Variants in TMEM74 observed in about 807,000 individuals in gnomAD.
The protein encoded by TMEM74 is transmembrane protein 74.
In TMEM74, 13 loss-of-function variants were observed where a neutral mutation model predicts 18.1. The ratio of observed to expected loss-of-function variants is 0.72; its 90% CI spans 0.47 to 1.14. The LOEUF (loss-of-function observed/expected upper bound fraction) is 1.14. TMEM74 is among the 50% of genes most tolerant of loss of function. The probability of loss-of-function intolerance (pLI) is 0.00; values close to 1 mark genes in which losing one functional copy is unlikely to be tolerated. For missense variants in TMEM74, 372 were observed against 375.9 expected (o/e 0.99, Z 0.09); for synonymous variants, 159 against 146.6 (o/e 1.08, Z -0.61).
At chr8:108,749,734 C>A (rs73311959) in intron 1 of TMEM74, among the ~76,000 whole-genome samples, 2,878 of 152,136 alleles carry the variant, frequency 0.019, 59 homozygotes, top group African/African-American at 0.045. Context: ...TGCTGGTTTT[C>A]AAGAGGAATG....
intron 2 of TMEM74, among the ~76,000 whole-genome samples, chr8:108,647,349 T>C (rs1812730195): frequency 6.6e-6 from 1 of 152,190 alleles, no homozygotes; most frequent in Non-Finnish European, 1.5e-5. Context: ...TCAGCATCCT[T>C]GGCAGCAATT....
intron 2 of TMEM74, chr8:108,652,765 T>G (rs1398847616): frequency 1.9e-6 from 1 of 529,160 alleles, no homozygotes. Flanking sequence ...GGACAAAGGC[T>G]GTGTATCAAT....
intron 1 of TMEM74, among the ~76,000 whole-genome samples, chr8:108,706,892 G>T (rs1367780913): frequency 1.3e-5 from 2 of 151,636 alleles, no homozygotes; most frequent in Non-Finnish European, 2.9e-5. Context: ...AAATAAAAAA[G>T]TCACAGGGGC....
chr8:108,665,055 A>G (rs545133894), intron 1 of TMEM74, among the ~76,000 whole-genome samples: 12 of 152,134 alleles, frequency 7.9e-5, no homozygotes, highest in Admixed American at 6.6e-4. Context: ...TCTCTTGCCA[A>G]TGGTCACATA....
chr8:108,726,961 T>C (rs2130635784), intron 1 of TMEM74, among the ~76,000 whole-genome samples: 1 of 152,140 alleles, frequency 6.6e-6, no homozygotes, highest in Non-Finnish European at 1.5e-5. Context: ...ATTGAGAAGA[T>C]GACATCTGAA....
intron 1 of TMEM74, among the ~76,000 whole-genome samples, chr8:108,690,453 C>T (rs564912493): frequency 2.1e-3 from 319 of 151,796 alleles, no homozygotes; most frequent in Non-Finnish European, 3.0e-3. Context: ...TAGTCATTGG[C>T]AACAGAAGCT....
chr8:108,634,864 G>A (rs1812591516), intron 2 of TMEM74, among the ~76,000 whole-genome samples: 1 of 152,028 alleles, frequency 6.6e-6, no homozygotes, highest in African/African-American at 2.4e-5. Flanking sequence ...GAAGAAGTCA[G>A]CATCACAGTC....
chr8:108,742,722 CT>C (rs1419477095), intron 1 of TMEM74, among the ~76,000 whole-genome samples: 2 of 152,082 alleles, frequency 1.3e-5, no homozygotes, highest in Non-Finnish European at 2.9e-5. Flanking sequence ...TGCTCAGCTA[CT>C]TACCATCTAT....
chr8:108,764,705 A>C (rs1043793550), intron 1 of TMEM74, among the ~76,000 whole-genome samples: 1 of 152,134 alleles, frequency 6.6e-6, no homozygotes, highest in Non-Finnish European at 1.5e-5. Context: ...ATGGTGACAG[A>C]GGGAATATGA....
chr8:108,784,907 T>C lies in TMEM74; in HGVS notation c.192A>G (p.Pro64=), dbSNP rs1394057003. Reference sequence around the variant, plus strand: ...TTTGCAGAGAGGAGGAGGGGGATGCTGGAGAAGAACTAAGTTTAGACCCTT... The same window carrying C: ...TTTGCAGAGAGGAGGAGGGGGATGCCGGAGAAGAACTAAGTTTAGACCCTT... ...EMEGSKLSSS[P]ASPSSSLQNS... Residue 64 remains proline, a synonymous_variant, in exon 2 of 2, where the codon CCA becomes CCG. Coordinates refer to ENST00000297459, the MANE Select transcript of TMEM74 (RefSeq NM_153015.3). 1.9e-6 allele frequency: 3 copies of C among 1,614,164 alleles called. No individual in the cohort carries two copies. The South Asian group carries it at 3.3e-5, about 18-fold the overall frequency.
chr8:108,783,916 G>A lies in TMEM74; in HGVS notation c.*265C>T, dbSNP rs1467401274. ...GGGTCATTAGAAATATTTTTCTATC[G>A]AAGTAGAAGTTCTTGGCCATTACAG... On this transcript the variant is annotated 3_prime_UTR_variant, in exon 2 of 2. Transcript: ENST00000297459. 1.8e-5 allele frequency: 5 copies of A among 273,032 alleles called. No homozygotes were observed. The highest frequency in any genetic ancestry group is 9.8e-5 in the Admixed American group (2 of 20,324). 16.9% of individuals were successfully genotyped at this position (273,032 alleles called of 1,614,324 possible).
At chr8:108,771,308 G>T (rs1351029515) in intron 1 of TMEM74, among the ~76,000 whole-genome samples, 2 of 152,048 alleles carry the variant, frequency 1.3e-5, no homozygotes, top group Non-Finnish European at 2.9e-5. Flanking sequence ...GGGAACTTAG[G>T]AAGATTAAAT....
At chr8:108,707,248 T>C (rs1052577922) in intron 1 of TMEM74, among the ~76,000 whole-genome samples, 1 of 151,758 alleles carries the variant, frequency 6.6e-6, no homozygotes, top group Non-Finnish European at 1.5e-5. Flanking sequence ...GATGAGTTAA[T>C]GGGTGCAGCA....
chr8:108,630,059 G>A (rs1331192852), intron 2 of TMEM74, among the ~76,000 whole-genome samples: 2 of 151,856 alleles, frequency 1.3e-5, no homozygotes, highest in Admixed American at 6.6e-5. Flanking sequence ...AAATAATCAA[G>A]ACCCATCAAT....
intron 1 of TMEM74, among the ~76,000 whole-genome samples, chr8:108,680,790 C>T (rs1007413942): frequency 2.6e-5 from 4 of 152,178 alleles, no homozygotes; most frequent in Non-Finnish European, 5.9e-5. Context: ...CCAAAATCTC[C>T]TTAAGCTGAT....
intron 1 of TMEM74, among the ~76,000 whole-genome samples, chr8:108,786,483 A>C (rs1814386693): frequency 6.6e-6 from 1 of 152,226 alleles, no homozygotes. Flanking sequence ...ACCTAAGGTC[A>C]ACCTGGCAAC....
intron 2 of TMEM74, among the ~76,000 whole-genome samples, chr8:108,639,448 C>T (rs760536790): frequency 5.3e-5 from 8 of 152,096 alleles, no homozygotes; most frequent in Non-Finnish European, 8.8e-5. Context: ...CACACACACA[C>T]ATTACATATA....
At chr8:108,624,545 T>G (rs1812476041) in intron 2 of TMEM74, among the ~76,000 whole-genome samples, 1 of 152,118 alleles carries the variant, frequency 6.6e-6, no homozygotes. Context: ...TCAAAATAGA[T>G]ATGCAAATAT....
At chr8:108,721,481 G>A (rs1296925487) in intron 1 of TMEM74, among the ~76,000 whole-genome samples, 1 of 152,130 alleles carries the variant, frequency 6.6e-6, no homozygotes, top group African/African-American at 2.4e-5. Flanking sequence ...CTGTTCCATC[G>A]ATGTGGAATG....
Sources: gnomAD v4.1 joint callset for allele counts (sites outside exome capture counted in the v4.1 genomes callset) on GRCh38, gnomAD v4.1.1 for gene constraint, MANE v1.5 for transcripts, NCBI Gene and HGNC (gene_info 2026-07-23, HGNC 2026-07-21) for gene names.